Variants in FOXP2 observed in about 807,000 individuals in gnomAD.
FOXP2 encodes the protein forkhead box protein P2.
Under a neutral mutation model 115.8 loss-of-function variants are expected in FOXP2, and 12 were observed. That is an observed-to-expected ratio of 0.10 (90% CI 0.07 to 0.17). The LOEUF (loss-of-function observed/expected upper bound fraction) is 0.17, where lower values mean the gene tolerates loss of function less well. Ranked by LOEUF, FOXP2 falls within the 10% of genes least tolerant of loss-of-function variation. FOXP2 has a pLI of 1.00. For missense variants in FOXP2, 629 were observed against 843.5 expected (o/e 0.75, Z 3.15); for synonymous variants, 328 against 297.7 (o/e 1.10, Z -1.05).
chr7:114,620,874 G>A lies in FOXP2; in HGVS notation c.259-7666G>A, dbSNP rs554374365. ...TGGTATCTACTATGTACTTTCATAT[G>A]TATTAAAAGTTATGGGAAATGTTAT... On this transcript the variant is annotated intron_variant, in intron 3 of 16. Coordinates refer to ENST00000350908, the MANE Select transcript of FOXP2 (RefSeq NM_014491.4). 9.2e-5 allele frequency among the ~76,000 whole-genome samples: 14 copies of A among 152,038 alleles called. No homozygotes were observed. In the South Asian group the frequency reaches 2.9e-3, roughly 31 times the overall value.
intron 2 of FOXP2, among the ~76,000 whole-genome samples, chr7:114,334,888 C>G (rs922468918): frequency 1.3e-4 from 18 of 139,568 alleles, no homozygotes; most frequent in South Asian, 6.8e-4. Flanking sequence ...AAGGATATCT[C>G]TGTGTGTGTG....
chr7:114,200,015 A>C (rs1230006840), intron 1 of FOXP2, among the ~76,000 whole-genome samples: 1 of 152,214 alleles, frequency 6.6e-6, no homozygotes, highest in Non-Finnish European at 1.5e-5. Flanking sequence ...TTGTATTATA[A>C]TTATTTAATA....
At chr7:114,167,935 CAAA>C (rs34195375) in intron 1 of FOXP2, among the ~76,000 whole-genome samples, 3 of 83,584 alleles carry the variant, frequency 3.6e-5, no homozygotes, top group African/African-American at 5.0e-5. Context: ...GACTCCATCT[CAAA>C]AAAAAAAAAA....
intron 1 of FOXP2, among the ~76,000 whole-genome samples, chr7:114,094,696 C>T (rs1799607846): frequency 6.6e-6 from 1 of 152,112 alleles, no homozygotes; most frequent in African/African-American, 2.4e-5. Context: ...GAGTCTCGCT[C>T]TATTGACCAG....
chr7:114,304,669 CAAAAAAAAAAA>C (rs71157580), intron 2 of FOXP2, among the ~76,000 whole-genome samples: 4 of 65,116 alleles, frequency 6.1e-5, no homozygotes, highest in African/African-American at 1.3e-4. Flanking sequence ...GACTCTGTCT[CAAAAAAAAAAA>C]AAAAAAAAAA....
chr7:114,640,347 C>T (rs986017717), intron 6 of FOXP2, among the ~76,000 whole-genome samples: 2 of 152,060 alleles, frequency 1.3e-5, no homozygotes, highest in African/African-American at 4.8e-5. Flanking sequence ...ACTTTGGAAA[C>T]CCGAATTATC....
In FOXP2 at chr7:114,689,978, A is replaced by C. The variant is rs375953551; in HGVS notation, c.*52A>C. The C allele has an allele frequency of 6.2e-7, 1 of 1,602,694 alleles. No individual in the cohort carries two copies. On this transcript the variant is annotated 3_prime_UTR_variant, in exon 17 of 17. Transcript: ENST00000350908. Reference sequence around the variant, plus strand: ...AAGGGACATATCACTGACCTTCATAACCACTCCACAACCATGAATATTTGA... The same window carrying C: ...AAGGGACATATCACTGACCTTCATACCCACTCCACAACCATGAATATTTGA...
intron 2 of FOXP2, among the ~76,000 whole-genome samples, chr7:114,482,780 A>T (rs1796614809): frequency 6.6e-6 from 1 of 151,698 alleles, no homozygotes; most frequent in African/African-American, 2.4e-5. Flanking sequence ...AAAACAATTG[A>T]ATTAACTTGA....
At chr7:114,134,361 T>C (rs1272656388) in intron 1 of FOXP2, among the ~76,000 whole-genome samples, 4 of 152,168 alleles carry the variant, frequency 2.6e-5, no homozygotes, top group Admixed American at 6.5e-5. Context: ...TGAATTTTCA[T>C]GGATTTTTTG....
intron 3 of FOXP2, among the ~76,000 whole-genome samples, chr7:114,559,747 G>C (rs1800665451): frequency 6.6e-6 from 1 of 152,104 alleles, no homozygotes; most frequent in Admixed American, 6.5e-5. Context: ...AAATTAGCCA[G>C]GCGTGGTGGC....
intron 2 of FOXP2, among the ~76,000 whole-genome samples, chr7:114,433,730 T>A (rs1247151341): frequency 6.6e-6 from 1 of 151,982 alleles, no homozygotes; most frequent in East Asian, 1.9e-4. Flanking sequence ...TATGGATATA[T>A]GTATATATGA....
At chr7:114,602,011 A>G (rs1432815504) in intron 3 of FOXP2, among the ~76,000 whole-genome samples, 3 of 152,028 alleles carry the variant, frequency 2.0e-5, no homozygotes, top group Non-Finnish European at 4.4e-5. Flanking sequence ...TCATGTATTA[A>G]TTGTGTTGTT....
chr7:114,606,300 T>A (rs1803322843), intron 3 of FOXP2, among the ~76,000 whole-genome samples: 1 of 152,126 alleles, frequency 6.6e-6, no homozygotes, highest in African/African-American at 2.4e-5. Context: ...AGTTTTGTTT[T>A]CAAATCTGAA....
At chr7:114,462,974 C>A in intron 2 of FOXP2, 1 of 326,818 alleles carries the variant, frequency 3.1e-6, no homozygotes. Flanking sequence ...TTAATTATAA[C>A]TTGCAAATAG....
intron 1 of FOXP2, among the ~76,000 whole-genome samples, chr7:114,282,600 A>C (rs1796367198): frequency 6.6e-6 from 1 of 152,182 alleles, no homozygotes; most frequent in Non-Finnish European, 1.5e-5. Context: ...TAATACATTC[A>C]TTCAAGAAAT....
chr7:114,616,364 C>T (rs1181330763), intron 3 of FOXP2, among the ~76,000 whole-genome samples: 3 of 152,022 alleles, frequency 2.0e-5, no homozygotes, highest in Non-Finnish European at 2.9e-5. Flanking sequence ...TGTTTCACCA[C>T]GTTGGCCAAG....
chr7:114,142,329 T>A (rs966462692), intron 1 of FOXP2, among the ~76,000 whole-genome samples: 1 of 152,158 alleles, frequency 6.6e-6, no homozygotes, highest in African/African-American at 2.4e-5. Flanking sequence ...GCTAGATTTT[T>A]TTCTATTTTG....
chr7:114,517,947 C>G (rs944201650), intron 2 of FOXP2, among the ~76,000 whole-genome samples: 5 of 152,110 alleles, frequency 3.3e-5, no homozygotes, highest in African/African-American at 1.2e-4. Context: ...ATTAATCCTC[C>G]AATCCATGAA....
At chr7:114,633,965 T>C (rs1471904268) in intron 6 of FOXP2, among the ~76,000 whole-genome samples, 2 of 152,110 alleles carry the variant, frequency 1.3e-5, no homozygotes, top group East Asian at 1.9e-4. Flanking sequence ...TGTGCAATGA[T>C]GGATGATGTT....
Sources: allele counts gnomAD v4.1 joint callset (sites outside exome capture counted in the v4.1 genomes callset), GRCh38; gene constraint gnomAD v4.1.1; transcripts MANE v1.5; gene names NCBI Gene and HGNC (gene_info 2026-07-23, HGNC 2026-07-21).